The following ZNF71 variants were observed in gnomAD, a reference collection of about 807,000 sequenced individuals.
ZNF71 encodes endothelial zinc finger protein induced by tumor necrosis factor alpha.
A neutral mutation model predicts 6.7 loss-of-function variants in ZNF71; 3 were observed. The observed-to-expected ratio is 0.45, with a 90% CI of 0.20 to 1.16. The LOEUF (loss-of-function observed/expected upper bound fraction) is 1.16, where lower values mean the gene tolerates loss of function less well. Among genes scored for constraint, ZNF71 ranks in the 50% most tolerant of loss-of-function variants. The pLI is 0.25. For synonymous variants in ZNF71, 343 were observed against 311.1 expected (o/e 1.10, Z -1.08); for missense variants, 688 against 728.6 (o/e 0.94, Z 0.64).
At chr19:56,615,513 G>GT (rs1227055766) in intron 3 of ZNF71, among the ~76,000 whole-genome samples, 2 of 147,022 alleles carry the variant, frequency 1.4e-5, no homozygotes, top group South Asian at 2.1e-4. Context: ...CTTATTTGAT[G>GT]TTTGTATATT....
At chr19:56,609,258 A>G (rs2148010827) in intron 2 of ZNF71, among the ~76,000 whole-genome samples, 1 of 152,292 alleles carries the variant, frequency 6.6e-6, no homozygotes, top group South Asian at 2.1e-4. Flanking sequence ...CTCTTACCAG[A>G]TTCTATTTTG....
chr19:56,612,515 A>T (rs1281449986), intron 2 of ZNF71, among the ~76,000 whole-genome samples: 2 of 152,218 alleles, frequency 1.3e-5, no homozygotes, highest in Admixed American at 6.5e-5. Flanking sequence ...TAAGTTAAGT[A>T]ACTCAGGAAT....
intron 3 of ZNF71, among the ~76,000 whole-genome samples, chr19:56,615,860 C>G (rs74258066): frequency 0.12 from 17,526 of 152,106 alleles, 1,339 homozygotes; most frequent in East Asian, 0.32. Context: ...TCTAAACAAT[C>G]TAACTCAAAG....
intron 1 of ZNF71, among the ~76,000 whole-genome samples, chr19:56,597,810 G>A (rs1029308662): frequency 6.6e-6 from 1 of 152,066 alleles, no homozygotes; most frequent in Non-Finnish European, 1.5e-5. Context: ...ATTGGTGTGG[G>A]CAGATTCCCA....
At chr19:56,595,881 G>GTA (rs1406373321) in intron 1 of ZNF71, among the ~76,000 whole-genome samples, 14 of 151,084 alleles carry the variant, frequency 9.3e-5, no homozygotes, top group African/African-American at 3.4e-4. Flanking sequence ...GTGTGTGTGT[G>GTA]TGTGTGTATG....
chr19:56,622,548 C>G lies in ZNF71; in HGVS notation c.1441C>G (p.Gln481Glu). ...CGGCGAGTGCGGCAAGGCCTTCAGC[C>G]AGAGCGCCTACCTCATCGAGCACCA... ...VCGECGKAFS[Q>E]SAYLIEHQRI... The change falls in exon 4 of 4, where the codon CAG becomes GAG. Residue 481 changes from glutamine (Q) to glutamate (E), a missense_variant. Gln to Glu is a conservative substitution (Grantham distance 29). Transcript: ENST00000599599. 1 of 1,613,398 alleles carries G rather than the reference C, an allele frequency of 6.2e-7. No homozygotes were observed. Among genetic ancestry groups the G allele is most frequent in the Middle Eastern group, 1.6e-4 (1 of 6,062 alleles).
chr19:56,613,755 C>T lies in ZNF71; in HGVS notation c.34-57C>T, dbSNP rs2044769157. 1 of 1,067,734 alleles carries T rather than the reference C, an allele frequency of 9.4e-7. No homozygotes were observed. The highest frequency in any genetic ancestry group is 1.2e-6 in the Non-Finnish European group (1 of 864,864). 66.1% of individuals were successfully genotyped at this position (1,067,734 alleles called of 1,614,324 possible). A position where few individuals can be genotyped will look rare whatever the true frequency, so the allele number is the denominator to read the frequency against. ...ATCCTCTTGGCTTTTCTGGCCATTC[C>T]TCCACGCCTCTGTAAGGAGGGCCCT... On this transcript the variant is annotated intron_variant, in intron 2 of 3. Coordinates refer to ENST00000599599, the MANE Select transcript of ZNF71 (RefSeq NM_001370215.1). This position sits in a 1 kb window ranked among gnomAD's most constrained non-coding sequence, Gnocchi z 4.6.
At chr19:56,596,021 G>C (rs2044619926) in intron 1 of ZNF71, among the ~76,000 whole-genome samples, 1 of 151,842 alleles carries the variant, frequency 6.6e-6, no homozygotes, top group African/African-American at 2.4e-5. Context: ...TCAGAGTCTT[G>C]GTCTCTCTGT....
intron 3 of ZNF71, among the ~76,000 whole-genome samples, chr19:56,616,598 A>C (rs946247876): frequency 6.6e-6 from 1 of 152,122 alleles, no homozygotes; most frequent in Admixed American, 6.5e-5. Flanking sequence ...ATCCTTTCAG[A>C]TGTTTTTTTC....
chr19:56,613,751 AT>A lies in ZNF71; in HGVS notation c.34-59del, dbSNP rs779942527. 1,287 of 1,064,382 alleles carry A rather than the reference AT, an allele frequency of 1.2e-3. 3 individuals are homozygous for A. Among genetic ancestry groups the A allele is most frequent in the Non-Finnish European group, 1.4e-3 (1,246 of 862,850 alleles). 65.9% of individuals were successfully genotyped at this position (1,064,382 alleles called of 1,614,324 possible). A position where few individuals can be genotyped will look rare whatever the true frequency, so the allele number is the denominator to read the frequency against. On this transcript the variant is annotated intron_variant, in intron 2 of 3. Transcript: ENST00000599599. The surrounding 1 kb of genome is among the most constrained non-coding windows in gnomAD (Gnocchi z 4.6). ...CTAAATCCTCTTGGCTTTTCTGGCC[AT>A]TCCTCCACGCCTCTGTAAGGAGGGC...
intron 2 of ZNF71, among the ~76,000 whole-genome samples, chr19:56,608,110 C>T (rs939197198): frequency 3.3e-5 from 5 of 152,008 alleles, no homozygotes; most frequent in African/African-American, 1.2e-4. Context: ...CCCTAAATTT[C>T]TTATTGTGCT....
At chr19:56,604,316 C>T (rs1484796267) in intron 2 of ZNF71, among the ~76,000 whole-genome samples, 1 of 152,042 alleles carries the variant, frequency 6.6e-6, no homozygotes, top group Admixed American at 6.5e-5. Context: ...ACACCTCAAT[C>T]AAGTAGTTTA....
In ZNF71 at chr19:56,618,332, C is replaced by T. The variant is rs1405058984; in HGVS notation, c.161-2936C>T. On this transcript the variant is annotated intron_variant, in intron 3 of 3. Coordinates refer to ENST00000599599, the MANE Select transcript of ZNF71 (RefSeq NM_001370215.1). This position sits in a 1 kb window ranked among gnomAD's most constrained non-coding sequence, Gnocchi z 4.6. The stretch of plus-strand genomic sequence containing the variant: ...CATAACTATCTACTACTGTATGTAA[C>T]TCAAGTATGATTGTGAGGGTCTCCA... 6.6e-6 allele frequency among the ~76,000 whole-genome samples: 1 copy of T among 152,206 alleles called. No homozygotes were observed. Among genetic ancestry groups the T allele is most frequent in the African/African-American group, 2.4e-5 (1 of 41,444 alleles).
In ZNF71 at chr19:56,622,160, G is replaced by A. The variant is rs1440570462; in HGVS notation, c.1053G>A (p.Thr351=). Residue 351 remains threonine (T), a synonymous_variant, in exon 4 of 4, where the codon ACG becomes ACA. Transcript: ENST00000599599. The part of the protein sequence containing the change: ...QNMHLTEHQR[T]HTGEKPYACK... Reference sequence around the variant, plus strand: ...TGCACCTGACCGAGCACCAGCGCACGCACACCGGGGAGAAGCCGTACGCCT... The same window carrying A: ...TGCACCTGACCGAGCACCAGCGCACACACACCGGGGAGAAGCCGTACGCCT... 1 of 1,611,778 alleles carries A rather than the reference G, an allele frequency of 6.2e-7. No homozygotes were observed. Among genetic ancestry groups the A allele is most frequent in the Admixed American group, 1.7e-5 (1 of 59,828 alleles).
intron 2 of ZNF71, among the ~76,000 whole-genome samples, chr19:56,609,601 T>A (rs1045086326): frequency 6.6e-6 from 1 of 151,816 alleles, no homozygotes; most frequent in Non-Finnish European, 1.5e-5. Flanking sequence ...AGATTTTGCC[T>A]GTTCCGGACA....
In ZNF71 at chr19:56,617,107, C is replaced by CTTTTTTTTTT. The variant is rs200131241; in HGVS notation, c.160+3173_160+3174insTTTTTTTTTT. Among the ~76,000 whole-genome samples, 27 of 117,136 alleles carry CTTTTTTTTTT rather than the reference C, an allele frequency of 2.3e-4. 2 individuals are homozygous for CTTTTTTTTTT. The highest frequency in any genetic ancestry group is 2.0e-3 in the East Asian group (6 of 3,040). The allele number at this position is 117,136 out of a possible 152,430, so 76.8% of individuals were successfully genotyped here. A position where few individuals can be genotyped will look rare whatever the true frequency, so the allele number is the denominator to read the frequency against. ...TAAGATTACAGGAGACTTCCATTTT[C>CTTTTTTTTTT]TTTTGTTTTTTTTTGTTTTTTTTGA... is the stretch of plus-strand genomic sequence containing the variant. On this transcript the variant is annotated intron_variant, in intron 3 of 3. Transcript: ENST00000599599.
At chr19:56,602,770 T>TC (rs1411633538) in intron 2 of ZNF71, among the ~76,000 whole-genome samples, 2 of 152,254 alleles carry the variant, frequency 1.3e-5, no homozygotes, top group African/African-American at 2.4e-5. Context: ...CAAATATTCT[T>TC]CCCAGATTTG....
intron 3 of ZNF71, among the ~76,000 whole-genome samples, chr19:56,619,918 G>A (rs150776002): frequency 3.9e-5 from 6 of 152,306 alleles, no homozygotes; most frequent in African/African-American, 1.2e-4. Context: ...GCTAGAAATC[G>A]AGGTTTAGAA....
chr19:56,622,098 G>C lies in ZNF71; in HGVS notation c.991G>C (p.Val331Leu), dbSNP rs548728280. 5.0e-6 allele frequency: 8 copies of C among 1,612,572 alleles called. No individual in the cohort carries two copies. The highest frequency in any genetic ancestry group is 1.6e-4 in the Middle Eastern group (1 of 6,072). Residue 331 changes from valine to leucine, a missense_variant, in exon 4 of 4, where the codon GTG (valine) becomes CTG (leucine). By Grantham distance (32) the Val-to-Leu change is conservative. Transcript: ENST00000599599. ...CACGCACACCGGGGAGAAGCCGTAC[G>C]TGTGCCCCGAGTGCGGGCGAGCCTT... Reference protein sequence around the residue: ...QRTHTGEKPYVCPECGRAFSQ... With the variant: ...QRTHTGEKPYLCPECGRAFSQ...
Sources: gnomAD v4.1 joint callset for allele counts (sites outside exome capture counted in the v4.1 genomes callset) on GRCh38, gnomAD v4.1.1 for gene constraint, Gnocchi (gnomAD v3.1) non-coding constraint, MANE v1.5 for transcripts, NCBI Gene and HGNC (gene_info 2026-07-23, HGNC 2026-07-21) for gene names.